Variants in CELF2 observed in about 807,000 individuals in gnomAD.
CELF2 encodes the protein CUG triplet repeat RNA-binding protein 2.
A neutral mutation model predicts 62.6 loss-of-function variants in CELF2; 8 were observed. The observed-to-expected ratio is 0.13, with a 90% confidence interval of 0.07 to 0.23. The LOEUF is 0.23. Ranked by LOEUF, CELF2 falls within the 10% of genes least tolerant of loss-of-function variation. CELF2 has a pLI of 1.00. For missense variants in CELF2, 333 were observed against 671.0 expected (o/e 0.50, Z 5.56); for synonymous variants, 258 against 250.0 (o/e 1.03, Z -0.30).
intron 2 of CELF2, among the ~76,000 whole-genome samples, chr10:11,172,061 A>G (rs1041061712): frequency 5.9e-5 from 9 of 152,238 alleles, no homozygotes; most frequent in Non-Finnish European, 1.2e-4. Flanking sequence ...CTGCAGGAAG[A>G]TGAACCTACA....
intron 1 of CELF2, among the ~76,000 whole-genome samples, chr10:10,898,291 AC>A (rs967216384): frequency 6.6e-6 from 1 of 152,178 alleles, no homozygotes; most frequent in African/African-American, 2.4e-5. Flanking sequence ...GCTATTTGGA[AC>A]CTTTCGAGCT....
chr10:10,691,227 A>G, the CELF2 span, among the ~76,000 whole-genome samples: 2 of 151,542 alleles, frequency 1.3e-5, no homozygotes, highest in South Asian at 2.1e-4. Context: ...TCATTGTTCA[A>G]TTCCCACCTA....
At chr10:11,054,512 T>TGTATGTGC (rs1465525533) in intron 1 of CELF2, among the ~76,000 whole-genome samples, 14 of 151,768 alleles carry the variant, frequency 9.2e-5, no homozygotes, top group African/African-American at 3.4e-4. Flanking sequence ...TGTGTGTGTG[T>TGTATGTGC]GTGTGTGTGT....
In CELF2 at chr10:11,094,286, C is replaced by G. The variant is rs563509196; in HGVS notation, c.75-71200C>G. ...AGAGCCATAAGAATCTGCTGTTTTTCTAAAATGCCATCATTTGTAAGCATG... is the reference window on the plus strand; with the variant it reads ...AGAGCCATAAGAATCTGCTGTTTTTGTAAAATGCCATCATTTGTAAGCATG... On this transcript the variant is annotated intron_variant, in intron 1 of 12. Transcript: ENST00000633077. Among the ~76,000 whole-genome samples the G allele has an allele frequency of 2.6e-5, 4 of 152,308 alleles. No homozygotes were observed. The South Asian group carries it at 6.2e-4, about 24-fold the overall frequency.
At chr10:10,824,806 T>G (rs1347218103) in intron 1 of CELF2, among the ~76,000 whole-genome samples, 1 of 152,198 alleles carries the variant, frequency 6.6e-6, no homozygotes, top group Non-Finnish European at 1.5e-5. Context: ...CAATGAATTG[T>G]TAAGTTGAAG....
chr10:11,252,331 C>T (rs2077393525), intron 4 of CELF2, among the ~76,000 whole-genome samples: 1 of 152,204 alleles, frequency 6.6e-6, no homozygotes, highest in East Asian at 1.9e-4. Flanking sequence ...GTATAACGAG[C>T]TCTAATTGCA....
the CELF2 span, among the ~76,000 whole-genome samples, chr10:10,578,131 A>G: frequency 4.0e-5 from 6 of 151,254 alleles, no homozygotes; most frequent in African/African-American, 4.8e-5. Flanking sequence ...CATTTTTTTC[A>G]TGTGTCTTTT....
chr10:10,576,939 C>T, the CELF2 span, among the ~76,000 whole-genome samples: 2 of 152,204 alleles, frequency 1.3e-5, no homozygotes, highest in African/African-American at 2.4e-5. Context: ...GAGGAAGAGG[C>T]TATTCTACCC....
At chr10:10,791,728 G>A in the CELF2 span, among the ~76,000 whole-genome samples, 8 of 152,224 alleles carry the variant, frequency 5.3e-5, no homozygotes, top group South Asian at 2.1e-4. Flanking sequence ...CCAGGGTATC[G>A]AAAGTGGACC....
chr10:10,653,396 CA>C, the CELF2 span, among the ~76,000 whole-genome samples: 2 of 148,414 alleles, frequency 1.3e-5, no homozygotes, highest in Non-Finnish European at 3.0e-5. Flanking sequence ...CTCTCCACCC[CA>C]AATCAACAGA....
the CELF2 span, among the ~76,000 whole-genome samples, chr10:10,527,622 A>T: frequency 6.6e-6 from 1 of 152,214 alleles, no homozygotes; most frequent in Non-Finnish European, 1.5e-5. Context: ...TCTTTACCTT[A>T]TTATAATATG....
chr10:10,768,831 C>T, the CELF2 span, among the ~76,000 whole-genome samples: 1 of 152,164 alleles, frequency 6.6e-6, no homozygotes, highest in African/African-American at 2.4e-5. Flanking sequence ...ACCTCGGCCT[C>T]CCAAAGTGCT....
chr10:10,700,470 C>A, the CELF2 span, among the ~76,000 whole-genome samples: 58,579 of 152,064 alleles, frequency 0.39, 13,247 homozygotes, highest in Non-Finnish European at 0.52. Context: ...GGTGGGCTGA[C>A]CTGTCTCTTC....
At chr10:11,256,023 T>C (rs918629696) in intron 4 of CELF2, among the ~76,000 whole-genome samples, 13 of 152,324 alleles carry the variant, frequency 8.5e-5, no homozygotes, top group African/African-American at 3.1e-4. Flanking sequence ...CCTCCCCCGC[T>C]GGACCTTGGG....
At chr10:11,054,125 ATGT>A (rs1292012115) in intron 1 of CELF2, among the ~76,000 whole-genome samples, 11 of 152,342 alleles carry the variant, frequency 7.2e-5, no homozygotes, top group Non-Finnish European at 1.5e-4. Flanking sequence ...GACAAGTGAG[ATGT>A]TGTTCATAAA....
At position 10,988,277 on chromosome 10, in the gene CELF2, G is replaced by A. The variant is rs1047635317; in HGVS notation, c.89+68278G>A. Among the ~76,000 whole-genome samples the A allele has an allele frequency of 6.1e-5, 9 of 148,106 alleles. No homozygotes were observed. The South Asian group carries it at 6.5e-4, about 11-fold the overall frequency. On this transcript the variant is annotated intron_variant, in intron 2 of 13. Transcript: ENST00000636488. ...CACACATACATATATATGTGTGTGT[G>A]TATATATATATATATATAGAGAGAG... is the stretch of plus-strand genomic sequence containing the variant.
chr10:10,783,002 T>C, the CELF2 span, among the ~76,000 whole-genome samples: 1 of 152,232 alleles, frequency 6.6e-6, no homozygotes, highest in African/African-American at 2.4e-5. Flanking sequence ...ATGAAGATCA[T>C]GAATATGTTT....
intron 2 of CELF2, among the ~76,000 whole-genome samples, chr10:11,202,415 C>T (rs1417061447): frequency 1.3e-5 from 2 of 152,162 alleles, no homozygotes; most frequent in Admixed American, 1.3e-4. Flanking sequence ...GTTTCGGAAG[C>T]TGCAGTGAGA....
chr10:11,142,239 C>G (rs558986614), intron 1 of CELF2, among the ~76,000 whole-genome samples: 8 of 152,258 alleles, frequency 5.3e-5, no homozygotes, highest in African/African-American at 1.7e-4. Context: ...GAAACGAATT[C>G]TAGGGCGCAG....
Sources: allele counts gnomAD v4.1 joint callset (sites outside exome capture counted in the v4.1 genomes callset), GRCh38; gene constraint gnomAD v4.1.1; transcripts MANE v1.5; gene names NCBI Gene and HGNC (gene_info 2026-07-23, HGNC 2026-07-21).